FYN: variants seen among roughly 807,000 people sequenced by gnomAD.
FYN encodes the protein FYN proto-oncogene, Src family tyrosine kinase.
A neutral mutation model predicts 70.2 loss-of-function variants in FYN; 10 were observed. The ratio of observed to expected loss-of-function variants is 0.14; its 90% CI spans 0.09 to 0.24. The LOEUF (loss-of-function observed/expected upper bound fraction) is 0.24, where lower values mean the gene tolerates loss of function less well. Ranked by LOEUF, FYN falls within the 10% of genes least tolerant of loss-of-function variation. FYN has a pLI of 1.00. For synonymous variants in FYN, 236 were observed against 248.6 expected, an observed-to-expected ratio of 0.95 and a Z score of 0.48; for missense variants, 319 against 673.1, an observed-to-expected ratio of 0.47 and a Z score of 5.82.
chr6:111,759,712 T>C (rs766217123), intron 3 of FYN: 2 of 152,234 alleles, frequency 1.3e-5, no homozygotes, highest in Non-Finnish European at 2.9e-5. Context: ...GGCACTGTTA[T>C]GTAAACTCAC....
intron 1 of FYN, among the ~76,000 whole-genome samples, chr6:111,861,461 T>G (rs1773959648): frequency 6.6e-6 from 1 of 152,170 alleles, no homozygotes; most frequent in African/African-American, 2.4e-5. Flanking sequence ...AGCACTTAAA[T>G]AATAGACGGC....
chr6:111,759,556 C>T (rs1397313495), intron 3 of FYN, among the ~76,000 whole-genome samples: 4 of 152,202 alleles, frequency 2.6e-5, no homozygotes, highest in Non-Finnish European at 4.4e-5. Flanking sequence ...CCCAGGCACT[C>T]GGTGCCCATT....
At chr6:111,848,838 T>C (rs991026863) in intron 1 of FYN, among the ~76,000 whole-genome samples, 2 of 152,274 alleles carry the variant, frequency 1.3e-5, no homozygotes, top group Non-Finnish European at 2.9e-5. Context: ...GAAATAGAGA[T>C]ACTTTTTATT....
At position 111,749,936 on chromosome 6, in the gene FYN, GA is replaced by G. The variant is rs577486599; in HGVS notation, c.-11-29875del. On this transcript the variant is annotated intron_variant, in intron 3 of 13. Transcript: ENST00000354650. ...TAGGAAGACTGCATGATTTCTCCTGGAAAAAAAAAAAATCCCATAATTTGCA... is the reference window on the plus strand; with the variant it reads ...TAGGAAGACTGCATGATTTCTCCTGGAAAAAAAAAAATCCCATAATTTGCA... Among the ~76,000 whole-genome samples the G allele has an allele frequency of 3.8e-3, 544 of 143,742 alleles. 1 individual carries two copies. The highest frequency in any genetic ancestry group is 0.011 in the African/African-American group (440 of 39,380). The allele number at this position is 143,742 out of a possible 152,430, so 94.3% of individuals were successfully genotyped here. A position where few individuals can be genotyped will look rare whatever the true frequency, so the allele number is the denominator to read the frequency against.
chr6:111,730,909 G>A (rs571647611), intron 3 of FYN, among the ~76,000 whole-genome samples: 1 of 152,228 alleles, frequency 6.6e-6, no homozygotes, highest in East Asian at 1.9e-4. Flanking sequence ...GAAACAGGAA[G>A]GTCAGTGTCA....
In FYN at chr6:111,764,579, G is replaced by A. The variant is rs544756997; in HGVS notation, c.-12+15987C>T. Among the ~76,000 whole-genome samples, 8 of 152,298 alleles carry A rather than the reference G, an allele frequency of 5.3e-5. No individual in the cohort carries two copies. In the South Asian group the frequency reaches 6.2e-4, roughly 12 times the overall value. On this transcript the variant is annotated intron_variant, in intron 3 of 13. Coordinates refer to ENST00000354650, the MANE Select transcript of FYN (RefSeq NM_002037.5). ...CTAATTTGCAGGCAGATGACACAGC[G>A]TGAGAAGCCTCTGATTTAGTAGAAT...
chr6:111,691,210 G>C (rs894034365), intron 12 of FYN, among the ~76,000 whole-genome samples: 1 of 152,118 alleles, frequency 6.6e-6, no homozygotes, highest in Admixed American at 6.5e-5. Flanking sequence ...GGGATGGTGC[G>C]AAGTAAGGAG....
chr6:111,696,462 A>T lies in FYN; in HGVS notation c.863-6T>A, dbSNP rs1479969916. 6.3e-7 allele frequency: 1 copy of T among 1,586,354 alleles called. No individual in the cohort carries two copies. The highest frequency in any genetic ancestry group is 1.2e-5 in the South Asian group (1 of 86,920). On this transcript the variant is annotated splice_polypyrimidine_tract_variant and splice_region_variant and intron_variant, in intron 9 of 13. Transcript: ENST00000354650. ...TGTGTTTCCATTCCAGGTACCTACA[A>T]ACATCCCAGAATATGAAGTCAAACC... is the stretch of plus-strand genomic sequence containing the variant.
chr6:111,838,940 G>A (rs968559791), intron 2 of FYN, among the ~76,000 whole-genome samples: 1 of 152,170 alleles, frequency 6.6e-6, no homozygotes, highest in Non-Finnish European at 1.5e-5. Context: ...TCAATTTTAC[G>A]ATTCTGACTT....
chr6:111,810,009 C>T (rs983452376), intron 2 of FYN, among the ~76,000 whole-genome samples: 3 of 152,162 alleles, frequency 2.0e-5, no homozygotes, highest in African/African-American at 7.2e-5. Context: ...GATTTCCTTA[C>T]TTTATAAAAA....
rs1030551741 is a variant in FYN, at chr6:111,803,274, A to G, written c.-81-22639T>C. Reference sequence around the variant, plus strand: ...GGCACTCCTCTGAAAGTATTAATTCAATCACTTCAAATATTTGGGCTTCAT... The same window carrying G: ...GGCACTCCTCTGAAAGTATTAATTCGATCACTTCAAATATTTGGGCTTCAT... On this transcript the variant is annotated intron_variant, in intron 2 of 13. Transcript: ENST00000354650. Among the ~76,000 whole-genome samples the G allele has an allele frequency of 3.7e-4, 56 of 152,352 alleles. 1 individual carries two copies. The highest frequency in any genetic ancestry group is 1.3e-3 in the African/African-American group (54 of 41,588).
chr6:111,734,974 C>T (rs1352837552), intron 3 of FYN, among the ~76,000 whole-genome samples: 2 of 152,096 alleles, frequency 1.3e-5, no homozygotes, highest in Non-Finnish European at 2.9e-5. Flanking sequence ...AATCGAGGGA[C>T]TCAGGTTGGA....
chr6:111,673,557 T>C (rs1409587685), intron 13 of FYN, among the ~76,000 whole-genome samples: 1 of 150,782 alleles, frequency 6.6e-6, no homozygotes, highest in East Asian at 1.9e-4. Flanking sequence ...AAAGCTATGA[T>C]TACAAACCCA....
chr6:111,719,603 T>G, intron 4 of FYN: 1 of 606,144 alleles, frequency 1.6e-6, no homozygotes, highest in Non-Finnish European at 2.8e-6. Flanking sequence ...TTGGGGCACC[T>G]TGCAACCCTG....
rs57599242 is a variant in FYN at position 111,672,952 on chromosome 6, T to C, written c.1405+1547A>G. On this transcript the variant is annotated intron_variant, in intron 13 of 13. Coordinates refer to ENST00000354650, the MANE Select transcript of FYN (RefSeq NM_002037.5). Reference sequence around the variant, plus strand: ...ACCTCCACCCCTTTGTCTTGGTTTCTGTGTGAGACCCTGAGAAACAAAAAG... The same window carrying C: ...ACCTCCACCCCTTTGTCTTGGTTTCCGTGTGAGACCCTGAGAAACAAAAAG... Among the ~76,000 whole-genome samples, 859 of 152,304 alleles carry C rather than the reference T, an allele frequency of 5.6e-3. 6 individuals carry two copies. The highest frequency in any genetic ancestry group is 0.02 in the African/African-American group (812 of 41,572).
At chr6:111,851,803 C>A (rs564416461) in intron 1 of FYN, among the ~76,000 whole-genome samples, 2 of 151,920 alleles carry the variant, frequency 1.3e-5, no homozygotes, top group Admixed American at 6.6e-5. Flanking sequence ...AGCTGAAGAG[C>A]CCTGCTCCCT....
At chr6:111,700,338 T>G (rs1354871044) in intron 8 of FYN, 70 bp from the exon 9 acceptor site, 4 of 1,530,424 alleles carry the variant, frequency 2.6e-6, no homozygotes, top group Non-Finnish European at 3.6e-6. Flanking sequence ...CACTCATAAG[T>G]GTAAACCCAC....
At chr6:111,717,608 C>T (rs527263168) in intron 4 of FYN, among the ~76,000 whole-genome samples, 36 of 152,170 alleles carry the variant, frequency 2.4e-4, no homozygotes, top group African/African-American at 8.7e-4. Context: ...ATTACAGGCG[C>T]CCACCACCAC....
intron 2 of FYN, among the ~76,000 whole-genome samples, chr6:111,842,812 TAGG>T (rs1454779893): frequency 6.6e-6 from 1 of 152,146 alleles, no homozygotes; most frequent in Non-Finnish European, 1.5e-5. Context: ...ACTAAGAATC[TAGG>T]AGGTTTTTTA....
Sources: allele counts gnomAD v4.1 joint callset (sites outside exome capture counted in the v4.1 genomes callset), GRCh38; gene constraint gnomAD v4.1.1; transcripts MANE v1.5; gene names NCBI Gene and HGNC (gene_info 2026-07-23, HGNC 2026-07-21).